The following ADAM23 variants were observed in gnomAD, a reference collection of about 807,000 sequenced individuals.
The protein encoded by ADAM23 is ADAM metallopeptidase domain 23, also known as disintegrin and metalloproteinase domain-containing protein 23.
A neutral mutation model predicts 120.1 loss-of-function variants in ADAM23; 33 were observed. The ratio of observed to expected loss-of-function variants is 0.27; its 90% CI spans 0.21 to 0.37. The LOEUF (loss-of-function observed/expected upper bound fraction) is 0.37, where lower values mean the gene tolerates loss of function less well. ADAM23 is among the 10% of genes least tolerant of loss of function. ADAM23 has a pLI of 1.00. For missense variants in ADAM23, 862 were observed against 1,058.2 expected (o/e 0.81, Z 2.57); for synonymous variants, 367 against 375.2 (o/e 0.98, Z 0.25).
intron 3 of ADAM23, among the ~76,000 whole-genome samples, chr2:206,520,432 G>A (rs565989457): frequency 2.3e-4 from 35 of 152,252 alleles, no homozygotes; most frequent in African/African-American, 8.2e-4. Flanking sequence ...TAAATTTTAG[G>A]ACAAACATCT....
intron 3 of ADAM23, among the ~76,000 whole-genome samples, chr2:206,508,093 A>C (rs373366990): frequency 6.5e-4 from 99 of 152,150 alleles, no homozygotes; most frequent in African/African-American, 2.2e-3. Context: ...GCAGTGGCGC[A>C]ATCTCGGCTC....
At chr2:206,530,752 T>A (rs1389367233) in intron 3 of ADAM23, 133 bp from the exon 4 acceptor site, 1 of 512,872 alleles carries the variant, frequency 1.9e-6, no homozygotes, top group Non-Finnish European at 3.4e-6. Context: ...TAACCTGTTT[T>A]TGTTTCTGTA....
At chr2:206,543,442 G>C (rs1697333435) in intron 6 of ADAM23, 126 bp downstream of exon 6, 4 of 760,526 alleles carry the variant, frequency 5.3e-6, no homozygotes, top group Non-Finnish European at 8.6e-6. Context: ...TTCAAACTTA[G>C]AGTAGTACCC....
intron 24 of ADAM23, among the ~76,000 whole-genome samples, chr2:206,597,455 C>A (rs971707495): frequency 6.6e-6 from 1 of 151,988 alleles, no homozygotes; most frequent in Non-Finnish European, 1.5e-5. Flanking sequence ...TGTGAGCTAC[C>A]GCGCCTGGCC....
chr2:206,594,710 G>A, intron 22 of ADAM23, 27 bp from the exon 23 acceptor site: 1 of 1,613,530 alleles, frequency 6.2e-7, no homozygotes, highest in Non-Finnish European at 8.5e-7. Context: ...GGTGCAAATA[G>A]TTATATGGGT....
chr2:206,550,438 A>G (rs1009893244), intron 9 of ADAM23, among the ~76,000 whole-genome samples: 5 of 151,842 alleles, frequency 3.3e-5, no homozygotes, highest in East Asian at 1.9e-4. Flanking sequence ...TTCTTCATCT[A>G]TGTATTTGGT....
intron 3 of ADAM23, among the ~76,000 whole-genome samples, chr2:206,530,669 C>CTTTTTTTTTTTTTTTTTTTTT: frequency 1.3e-5 from 1 of 74,836 alleles, no homozygotes; most frequent in Non-Finnish European, 2.5e-5. Flanking sequence ...TGTGTCTTGT[C>CTTTTTTTTTTTTTTTTTTTTT]TTTTTTTTTT....
rs181095222 is a variant in ADAM23, at chr2:206,504,745, A to G, written c.509+23437A>G. Among the ~76,000 whole-genome samples, 82 of 152,300 alleles carry G rather than the reference A, an allele frequency of 5.4e-4. 2 individuals are homozygous for G. In the East Asian group the frequency reaches 0.013, roughly 25 times the overall value. Reference sequence around the variant, plus strand: ...AATTTAGTAGTGGACACTTTTGTCCAGGGTCCCCTTGGGGTGTGTTGAGCC... The same window carrying G: ...AATTTAGTAGTGGACACTTTTGTCCGGGGTCCCCTTGGGGTGTGTTGAGCC... On this transcript the variant is annotated intron_variant, in intron 3 of 25. Coordinates refer to ENST00000264377, the MANE Select transcript of ADAM23 (RefSeq NM_003812.4).
chr2:206,584,383 T>C (rs1315772017), intron 18 of ADAM23, among the ~76,000 whole-genome samples: 2 of 152,190 alleles, frequency 1.3e-5, no homozygotes, highest in Non-Finnish European at 2.9e-5. Context: ...TGTAGTAGTG[T>C]GGAGAGGGAC....
chr2:206,469,115 T>C (rs938145571), intron 2 of ADAM23, among the ~76,000 whole-genome samples: 3 of 152,178 alleles, frequency 2.0e-5, no homozygotes, highest in Admixed American at 6.6e-5. Flanking sequence ...GGGATTACAA[T>C]TGAACATGAG....
intron 3 of ADAM23, among the ~76,000 whole-genome samples, chr2:206,489,538 C>A (rs1347216211): frequency 2.0e-5 from 3 of 152,122 alleles, no homozygotes. Context: ...GCTTTACTTC[C>A]CAGTTTCAAG....
intron 14 of ADAM23, among the ~76,000 whole-genome samples, chr2:206,566,852 C>CAA (rs66674359): frequency 5.5e-5 from 8 of 144,638 alleles, no homozygotes; most frequent in African/African-American, 1.3e-4. Context: ...AAAACAGAGG[C>CAA]AAAAAAAAAA....
intron 24 of ADAM23, among the ~76,000 whole-genome samples, chr2:206,602,086 A>G (rs1226707692): frequency 6.6e-6 from 1 of 152,188 alleles, no homozygotes; most frequent in Admixed American, 6.5e-5. Flanking sequence ...TTGATTTTAT[A>G]GTTTAGATGA....
chr2:206,522,867 T>G (rs1696871855), intron 3 of ADAM23, among the ~76,000 whole-genome samples: 1 of 152,078 alleles, frequency 6.6e-6, no homozygotes, highest in Non-Finnish European at 1.5e-5. Flanking sequence ...TAACCATGAT[T>G]CTGTCATAAA....
chr2:206,503,135 CTTAA>C (rs1164368084), intron 3 of ADAM23, among the ~76,000 whole-genome samples: 1 of 152,206 alleles, frequency 6.6e-6, no homozygotes, highest in Non-Finnish European at 1.5e-5. Context: ...CCAGTGTGTA[CTTAA>C]TTTGATGAAG....
chr2:206,609,226 C>T (rs763272242), intron 24 of ADAM23, among the ~76,000 whole-genome samples: 6 of 152,194 alleles, frequency 3.9e-5, no homozygotes, highest in Non-Finnish European at 8.8e-5. Context: ...TAAAGCTATT[C>T]TCAGTTGAAT....
intron 9 of ADAM23, among the ~76,000 whole-genome samples, chr2:206,556,456 A>C (rs1318751635): frequency 6.6e-6 from 1 of 152,112 alleles, no homozygotes; most frequent in Admixed American, 6.5e-5. Context: ...ATTGAAGGTA[A>C]ATTTCAAAGA....
rs1470020293 is a variant in ADAM23, at chr2:206,620,801, G to C, written c.*3174G>C. On this transcript the variant is annotated 3_prime_UTR_variant, in exon 26 of 26. Coordinates refer to ENST00000264377, the MANE Select transcript of ADAM23 (RefSeq NM_003812.4). ...AACATGAATCACATAGAGCAGTGGAGTTTTACCAAGTGGTGTGTGTGGTTT... is the reference window on the plus strand; with the variant it reads ...AACATGAATCACATAGAGCAGTGGACTTTTACCAAGTGGTGTGTGTGGTTT... 1 of 152,114 alleles carries C rather than the reference G, an allele frequency of 6.6e-6. No homozygotes were observed. The highest frequency in any genetic ancestry group is 1.5e-5 in the Non-Finnish European group (1 of 68,018). 9.4% of individuals were successfully genotyped at this position (152,114 alleles called of 1,614,324 possible).
rs892858154 is a variant in ADAM23, at chr2:206,620,218, T to C, written c.*2591T>C. 1 of 152,214 alleles carries C rather than the reference T, an allele frequency of 6.6e-6. No homozygotes were observed. The highest frequency in any genetic ancestry group is 6.5e-5 in the Admixed American group (1 of 15,282). 9.4% of individuals were successfully genotyped at this position (152,214 alleles called of 1,614,324 possible). A position where few individuals can be genotyped will look rare whatever the true frequency, so the allele number is the denominator to read the frequency against. ...CACAAACAACATTGTAAATGTGCGA[T>C]GTTACGTTTTAAATCAGACCACAGT... On this transcript the variant is annotated 3_prime_UTR_variant, in exon 26 of 26. Transcript: ENST00000264377.
Sources: allele counts gnomAD v4.1 joint callset (sites outside exome capture counted in the v4.1 genomes callset), GRCh38; gene constraint gnomAD v4.1.1; transcripts MANE v1.5; gene names NCBI Gene and HGNC (gene_info 2026-07-23, HGNC 2026-07-21).